Variants in DIO2 observed in about 807,000 individuals in gnomAD.
DIO2 encodes the protein iodothyronine deiodinase 2, also known as type II iodothyronine deiodinase.
DIO2 carries 19 observed loss-of-function variants against 21.4 expected under a neutral mutation model. That is an observed-to-expected ratio of 0.89 (90% CI 0.62 to 1.30). DIO2 has a LOEUF of 1.30. Among genes scored for constraint, DIO2 ranks in the 50% most tolerant of loss-of-function variants. DIO2 has a pLI of 0.00. For synonymous variants in DIO2, 122 were observed against 132.9 expected, an observed-to-expected ratio of 0.92 and a Z score of 0.57; for missense variants, 302 against 338.1, an observed-to-expected ratio of 0.89 and a Z score of 0.84.
At position 80,203,309 on chromosome 14, in the gene DIO2, AAAG is replaced by A. The variant is rs755941003; in HGVS notation, c.223-24_223-22del. On this transcript the variant is annotated intron_variant, in intron 1 of 1. Transcript: ENST00000438257. ...TTCACCTGACGGTAAAAAAAAAAAA[AAAG>A]AAGAAGAAGAAGAAGGTGAGAATAT... 5.8e-4 allele frequency: 820 copies of A among 1,422,384 alleles called. 4 individuals carry two copies. The African/African-American group carries it at 0.01, about 18-fold the overall frequency. The allele number at this position is 1,422,384 out of a possible 1,614,324, so 88.1% of individuals were successfully genotyped here.
At chr14:80,218,859 C>T (rs1228957637) in intron 2 of DIO2, among the ~76,000 whole-genome samples, 1 of 151,978 alleles carries the variant, frequency 6.6e-6, no homozygotes, top group East Asian at 1.9e-4. Context: ...ATGCCTGTAA[C>T]CTCAGCTACT....
Position 80,230,584 on chromosome 14 carries a change from A to G in DIO2, c.-277-13847T>C, listed in dbSNP as rs116405919. Among the ~76,000 whole-genome samples the G allele has an allele frequency of 3.9e-3, 591 of 152,262 alleles. 6 individuals are homozygous for G. Among genetic ancestry groups the G allele is most frequent in the African/African-American group, 0.014 (567 of 41,548 alleles). On this transcript the variant is annotated intron_variant, in intron 2 of 4. Coordinates refer to the DIO2 transcript ENST00000553594. ...CCACATATGGTCAAAGGTATGATGT[A>G]CAGAGTCACTAAACTCCTTACCTCT...
Position 80,197,834 on chromosome 14 carries a change from T to A in DIO2, c.*4855A>T, listed in dbSNP as rs2139987427. ...ATGACTCTTTCGTCAGTAGTTATCA[T>A]CCGCACACTGGTCAACTCTGCACAT... is the stretch of plus-strand genomic sequence containing the variant. On this transcript the variant is annotated 3_prime_UTR_variant, in exon 2 of 2. Coordinates refer to ENST00000438257, the MANE Select transcript of DIO2 (RefSeq NM_013989.5). 1 of 152,746 alleles carries A rather than the reference T, an allele frequency of 6.5e-6. No individual in the cohort carries two copies. The highest frequency in any genetic ancestry group is 1.5e-5 in the Non-Finnish European group (1 of 68,042). 9.5% of individuals were successfully genotyped at this position (152,746 alleles called of 1,614,324 possible).
chr14:80,215,117 A>G (rs1329866217), upstream of DIO2, among the ~76,000 whole-genome samples: 1 of 152,164 alleles, frequency 6.6e-6, no homozygotes, highest in Non-Finnish European at 1.5e-5. Flanking sequence ...ATGTGTTCTT[A>G]GCAATCAACA....
At position 80,199,462 on chromosome 14, in the gene DIO2, T is replaced by C. The variant is rs1177053133; in HGVS notation, c.*3227A>G. ...TCATGTAAGTTAAGTGACTGTCACTTAGCTATACAAAGTAGGAACAGTTAC... is the reference window on the plus strand; with the variant it reads ...TCATGTAAGTTAAGTGACTGTCACTCAGCTATACAAAGTAGGAACAGTTAC... On this transcript the variant is annotated 3_prime_UTR_variant, in exon 2 of 2. Coordinates refer to ENST00000438257, the MANE Select transcript of DIO2 (RefSeq NM_013989.5). 1 of 152,204 alleles carries C rather than the reference T, an allele frequency of 6.6e-6. No individual in the cohort carries two copies. Among genetic ancestry groups the C allele is most frequent in the East Asian group, 1.9e-4 (1 of 5,194 alleles). 9.4% of individuals were successfully genotyped at this position (152,204 alleles called of 1,614,324 possible). A position where few individuals can be genotyped will look rare whatever the true frequency, so the allele number is the denominator to read the frequency against.
intron 1 of DIO2, among the ~76,000 whole-genome samples, chr14:80,210,660 T>G (rs907524766): frequency 1.3e-5 from 2 of 152,128 alleles, no homozygotes; most frequent in African/African-American, 4.8e-5. Context: ...GGTTCAAATT[T>G]GAATCAATGT....
chr14:80,197,808 G>A lies in DIO2; in HGVS notation c.*4881C>T, dbSNP rs149059509. On this transcript the variant is annotated 3_prime_UTR_variant, in exon 2 of 2. Transcript: ENST00000438257. ...ACTACATCCAACCACTAACTGAGTC[G>A]ATGACTCTTTCGTCAGTAGTTATCA... 2.4e-3 allele frequency: 370 copies of A among 152,692 alleles called. 1 individual carries two copies. The highest frequency in any genetic ancestry group is 4.4e-3 in the Non-Finnish European group (300 of 68,010). The allele number at this position is 152,692 out of a possible 1,614,324, so 9.5% of individuals were successfully genotyped here. A position where few individuals can be genotyped will look rare whatever the true frequency, so the allele number is the denominator to read the frequency against.
upstream of DIO2, among the ~76,000 whole-genome samples, chr14:80,214,331 T>C (rs564250321): frequency 2.0e-5 from 3 of 152,346 alleles, no homozygotes; most frequent in East Asian, 5.8e-4. Flanking sequence ...GAGGAAAGTA[T>C]GTTTGTAAAT....
chr14:80,223,342 G>A lies in DIO2; in HGVS notation c.-277-6605C>T, dbSNP rs530529738. 2.3e-4 allele frequency among the ~76,000 whole-genome samples: 35 copies of A among 152,282 alleles called. 1 individual carries two copies. In the East Asian group the frequency reaches 6.5e-3, roughly 28 times the overall value. ...GTCAATTAGTATGTCAAGCACAATAGTGCGTTCTTTAAAATGACTACACTT... is the reference window on the plus strand; with the variant it reads ...GTCAATTAGTATGTCAAGCACAATAATGCGTTCTTTAAAATGACTACACTT... On this transcript the variant is annotated intron_variant, in intron 2 of 4. Coordinates refer to the DIO2 transcript ENST00000553594.
chr14:80,228,507 G>C (rs936978437), intron 2 of DIO2, among the ~76,000 whole-genome samples: 11 of 152,184 alleles, frequency 7.2e-5, no homozygotes, highest in African/African-American at 2.7e-4. Context: ...CACCACCCCT[G>C]CATCTTTCAA....
rs1887680453 is a variant in DIO2 at position 80,200,687 on chromosome 14, CTTTG to C, written c.*1998_*2001del. On this transcript the variant is annotated 3_prime_UTR_variant, in exon 2 of 2. Coordinates refer to ENST00000438257, the MANE Select transcript of DIO2 (RefSeq NM_013989.5). ...GCAACTCATTAGATAATGAAATTTG[CTTTG>C]TTTCTTTGTGGGTGGTTTTTATAGA... is the stretch of plus-strand genomic sequence containing the variant. 1 of 152,190 alleles carries C rather than the reference CTTTG, an allele frequency of 6.6e-6. No individual in the cohort carries two copies. The highest frequency in any genetic ancestry group is 1.5e-5 in the Non-Finnish European group (1 of 68,022). The allele number at this position is 152,190 out of a possible 1,614,324, so 9.4% of individuals were successfully genotyped here. A position where few individuals can be genotyped will look rare whatever the true frequency, so the allele number is the denominator to read the frequency against.
chr14:80,211,527 T>C (rs1888196214), upstream of DIO2: 4 of 986,004 alleles, frequency 4.1e-6, no homozygotes, highest in Non-Finnish European at 4.1e-6. Context: ...CTTCACCCTC[T>C]TATTTAAAAG....
upstream of DIO2, among the ~76,000 whole-genome samples, chr14:80,214,198 C>A (rs188372043): frequency 2.0e-5 from 3 of 152,142 alleles, no homozygotes; most frequent in Non-Finnish European, 2.9e-5. Flanking sequence ...ATTGCCCAGG[C>A]CTTAGAATCT....
intron 2 of DIO2, among the ~76,000 whole-genome samples, chr14:80,220,884 T>A (rs1048422173): frequency 6.6e-6 from 1 of 152,186 alleles, no homozygotes; most frequent in African/African-American, 2.4e-5. Flanking sequence ...GAGGTAGACA[T>A]CAAGATTTCA....
chr14:80,228,412 TATGATA>T (rs1353217707), intron 2 of DIO2, among the ~76,000 whole-genome samples: 5 of 152,190 alleles, frequency 3.3e-5, no homozygotes, highest in African/African-American at 1.2e-4. Context: ...TGGTTAAGCT[TATGATA>T]ATCCACTGTC....
rs1323372558 is a variant in DIO2, at chr14:80,202,391, C to G, written c.*298G>C. On this transcript the variant is annotated 3_prime_UTR_variant, in exon 2 of 2. Coordinates refer to ENST00000438257, the MANE Select transcript of DIO2 (RefSeq NM_013989.5). ...GTCTCAAAGCATGCATCAGATGTAT[C>G]AGTTCCTTCTCAATGCAGAATGAAC... 1 of 627,064 alleles carries G rather than the reference C, an allele frequency of 1.6e-6. No individual in the cohort carries two copies. Among genetic ancestry groups the G allele is most frequent in the East Asian group, 3.6e-5 (1 of 27,672 alleles). The allele number at this position is 627,064 out of a possible 1,614,324, so 38.8% of individuals were successfully genotyped here. A position where few individuals can be genotyped will look rare whatever the true frequency, so the allele number is the denominator to read the frequency against.
At chr14:80,229,464 T>C (rs1348978448) in intron 2 of DIO2, among the ~76,000 whole-genome samples, 2 of 152,166 alleles carry the variant, frequency 1.3e-5, no homozygotes, top group Non-Finnish European at 2.9e-5. Flanking sequence ...TATAGGGCTC[T>C]TCAAAGATGC....
chr14:80,207,251 AT>A (rs1887988418), intron 1 of DIO2, among the ~76,000 whole-genome samples: 1 of 152,198 alleles, frequency 6.6e-6, no homozygotes, highest in Non-Finnish European at 1.5e-5. Context: ...ATATATAAAA[AT>A]TTGATTCCCT....
At chr14:80,226,923 T>G (rs1196813479) in intron 2 of DIO2, among the ~76,000 whole-genome samples, 1 of 152,230 alleles carries the variant, frequency 6.6e-6, no homozygotes, top group Non-Finnish European at 1.5e-5. Flanking sequence ...TCCCCACATT[T>G]CTTTGTCACC....
Sources: gnomAD v4.1 joint callset for allele counts (sites outside exome capture counted in the v4.1 genomes callset) on GRCh38, gnomAD v4.1.1 for gene constraint, MANE v1.5 for transcripts, NCBI Gene and HGNC (gene_info 2026-07-23, HGNC 2026-07-21) for gene names.